The following PRPF18 variants were observed in gnomAD, a reference collection of about 807,000 sequenced individuals.
PRPF18 encodes the protein pre-mRNA-splicing factor 18.
In PRPF18, 38 loss-of-function variants were observed where a neutral mutation model predicts 46.5. The observed-to-expected ratio is 0.82, with a 90% CI of 0.63 to 1.07. The LOEUF (loss-of-function observed/expected upper bound fraction) is 1.07. Among genes scored for constraint, PRPF18 ranks in the 50% least tolerant of loss-of-function variants. The pLI is 0.00. For missense variants in PRPF18, 263 were observed against 410.0 expected, an observed-to-expected ratio of 0.64 and a Z score of 3.10; for synonymous variants, 152 against 146.7, an observed-to-expected ratio of 1.04 and a Z score of -0.26.
downstream of PRPF18, among the ~76,000 whole-genome samples, chr10:13,634,193 A>AT (rs2080614910): frequency 6.6e-6 from 1 of 152,124 alleles, no homozygotes. Flanking sequence ...TTGATTATTT[A>AT]TTTTTCCCCC....
At chr10:13,600,203 T>C (rs1163267401) in intron 2 of PRPF18, 41 bp from the exon 3 acceptor site, 4 of 1,457,052 alleles carry the variant, frequency 2.7e-6, no homozygotes, top group Non-Finnish European at 3.8e-6. Context: ...ATCAACTATA[T>C]TTTTAAAGCT....
At chr10:13,588,199 G>T (rs1399934091) in intron 1 of PRPF18, among the ~76,000 whole-genome samples, 2 of 152,128 alleles carry the variant, frequency 1.3e-5, no homozygotes, top group Non-Finnish European at 2.9e-5. Context: ...CTGAGGTCAG[G>T]AGTTCGAGAC....
chr10:13,628,523 T>G (rs1228047820), intron 9 of PRPF18, among the ~76,000 whole-genome samples: 1 of 152,230 alleles, frequency 6.6e-6, no homozygotes, highest in African/African-American at 2.4e-5. Flanking sequence ...TAAATAGTTA[T>G]TATATGATAT....
In PRPF18 at chr10:13,606,447, A is replaced by G. The variant is rs2080184820; in HGVS notation, c.363+703A>G. 2.0e-5 allele frequency among the ~76,000 whole-genome samples: 3 copies of G among 152,160 alleles called. No homozygotes were observed. In the South Asian group the frequency reaches 6.2e-4, roughly 32 times the overall value. On this transcript the variant is annotated intron_variant, in intron 4 of 9. Transcript: ENST00000378572. ...TTCCAGCTTTGGGCTATTAGGAATA[A>G]AACTGCTGGCTGGGCGTGGTGGCAC...
chr10:13,652,043 C>A, the PRPF18 span: 1 of 846,400 alleles, frequency 1.2e-6, no homozygotes, highest in South Asian at 1.3e-5. Context: ...GACACAGACA[C>A]AGACACGATT....
intron 6 of PRPF18, among the ~76,000 whole-genome samples, chr10:13,612,818 C>A (rs1044975436): frequency 4.0e-5 from 6 of 151,896 alleles, no homozygotes; most frequent in Non-Finnish European, 8.8e-5. Context: ...GTGCTCAATT[C>A]TTCAGTTCTA....
At chr10:13,639,059 G>T in the PRPF18 span, 1 of 152,126 alleles carries the variant, frequency 6.6e-6, no homozygotes, top group African/African-American at 2.4e-5. Context: ...TGTTCATTTC[G>T]ACTGGAATAA....
the PRPF18 span, among the ~76,000 whole-genome samples, chr10:13,650,055 G>A: frequency 2.6e-5 from 4 of 152,332 alleles, no homozygotes; most frequent in African/African-American, 9.6e-5. Flanking sequence ...CCAGGGCTAT[G>A]CTCAGAGATG....
intron 9 of PRPF18, among the ~76,000 whole-genome samples, chr10:13,618,385 C>T (rs965599582): frequency 2.6e-5 from 4 of 151,890 alleles, no homozygotes; most frequent in Admixed American, 6.6e-5. Context: ...CCCAACACTT[C>T]GAGTGGCTGT....
the PRPF18 span, chr10:13,655,519 G>C: frequency 6.7e-6 from 1 of 149,760 alleles, no homozygotes; most frequent in African/African-American, 2.5e-5. Flanking sequence ...CTGATCTTTG[G>C]AGCTTGTCAT....
At chr10:13,612,847 T>TG (rs1458890168) in intron 6 of PRPF18, among the ~76,000 whole-genome samples, 1 of 152,130 alleles carries the variant, frequency 6.6e-6, no homozygotes, top group Non-Finnish European at 1.5e-5. Flanking sequence ...TGCCTATTTT[T>TG]GCTGACTTGC....
chr10:13,629,993 G>GT (rs1219215320), intron 9 of PRPF18, among the ~76,000 whole-genome samples: 4 of 152,156 alleles, frequency 2.6e-5, no homozygotes, highest in Non-Finnish European at 5.9e-5. Context: ...GCACACTAAA[G>GT]TTTTTTTCAT....
the PRPF18 span, chr10:13,647,216 C>T: frequency 6.6e-6 from 1 of 152,372 alleles, no homozygotes; most frequent in Non-Finnish European, 1.5e-5. Flanking sequence ...AGAAGGCCCC[C>T]AGAATCCACA....
rs1292133176 is a variant in PRPF18, at chr10:13,587,034, G to T, written c.-53G>T. On this transcript the variant is annotated 5_prime_UTR_variant, in exon 1 of 10. Coordinates refer to ENST00000378572, the MANE Select transcript of PRPF18 (RefSeq NM_003675.4). Reference sequence around the variant, plus strand: ...GGTTCGCGGCCGCCGGCCCAGTGAGGCTGGGTTCGAGGAGCTGGAGCGGGA... The same window carrying T: ...GGTTCGCGGCCGCCGGCCCAGTGAGTCTGGGTTCGAGGAGCTGGAGCGGGA... 6.3e-7 allele frequency: 1 copy of T among 1,580,600 alleles called. No individual in the cohort carries two copies. The highest frequency in any genetic ancestry group is 8.7e-7 in the Non-Finnish European group (1 of 1,149,760).
At chr10:13,612,952 T>C (rs966271223) in intron 6 of PRPF18, among the ~76,000 whole-genome samples, 3 of 152,200 alleles carry the variant, frequency 2.0e-5, no homozygotes. Context: ...ACAAACTGTG[T>C]TCAGACCAAG....
At chr10:13,603,096 T>C (rs1171345187) in intron 3 of PRPF18, among the ~76,000 whole-genome samples, 2 of 152,244 alleles carry the variant, frequency 1.3e-5, no homozygotes, top group African/African-American at 4.8e-5. Context: ...TTTTAAGAAG[T>C]TGTTCTTTTT....
intron 3 of PRPF18, among the ~76,000 whole-genome samples, chr10:13,601,674 A>G (rs1450851988): frequency 1.3e-5 from 2 of 152,060 alleles, no homozygotes; most frequent in Non-Finnish European, 2.9e-5. Flanking sequence ...GTGTATGAAC[A>G]TTTTTTACAG....
chr10:13,612,758 T>C (rs1472272560), intron 6 of PRPF18, among the ~76,000 whole-genome samples: 1 of 151,760 alleles, frequency 6.6e-6, no homozygotes, highest in Non-Finnish European at 1.5e-5. Context: ...GTAGGGCATG[T>C]ACCACCATGC....
intron 1 of PRPF18, among the ~76,000 whole-genome samples, chr10:13,588,693 T>C (rs2079913707): frequency 6.6e-6 from 1 of 152,190 alleles, no homozygotes; most frequent in Non-Finnish European, 1.5e-5. Flanking sequence ...AGGCCTGCTC[T>C]TCACTGATGG....
Sources: allele counts gnomAD v4.1 joint callset (sites outside exome capture counted in the v4.1 genomes callset), GRCh38; gene constraint gnomAD v4.1.1; transcripts MANE v1.5; gene names NCBI Gene and HGNC (gene_info 2026-07-23, HGNC 2026-07-21).